The following SLC30A8 variants were observed in gnomAD, a reference collection of about 807,000 sequenced individuals.
SLC30A8 encodes proton-coupled zinc antiporter SLC30A8.
SLC30A8 carries 27 observed loss-of-function variants against 36.9 expected under a neutral mutation model. That is an observed-to-expected ratio of 0.73 (90% CI 0.54 to 1.01). SLC30A8 has a LOEUF of 1.01. Ranked by LOEUF, SLC30A8 falls within the 50% of genes least tolerant of loss-of-function variation. The pLI is 0.00. For missense variants in SLC30A8, 439 were observed against 452.0 expected, an observed-to-expected ratio of 0.97 and a Z score of 0.26; for synonymous variants, 164 against 172.4, an observed-to-expected ratio of 0.95 and a Z score of 0.38.
chr8:117,167,905 T>C (rs1047721175), intron 6 of SLC30A8, among the ~76,000 whole-genome samples: 1 of 152,116 alleles, frequency 6.6e-6, no homozygotes, highest in Non-Finnish European at 1.5e-5. Context: ...AGAGGTTTAA[T>C]GGACTCACCG....
chr8:117,054,843 A>G lies in SLC30A8; in HGVS notation c.-226+15585A>G, dbSNP rs541982741. On this transcript the variant is annotated intron_variant, in intron 2 of 10. Coordinates refer to the SLC30A8 transcript ENST00000427715. Reference sequence around the variant, plus strand: ...GCTACCAAAGTCTCAGGTGGCTTCCACAGAACATTTTATTCAGAGCCCTAA... The same window carrying G: ...GCTACCAAAGTCTCAGGTGGCTTCCGCAGAACATTTTATTCAGAGCCCTAA... 7.2e-5 allele frequency among the ~76,000 whole-genome samples: 11 copies of G among 152,322 alleles called. No individual in the cohort carries two copies. In the East Asian group the frequency reaches 1.9e-3, roughly 27 times the overall value.
chr8:117,091,704 C>G (rs1285061259), intron 2 of SLC30A8, among the ~76,000 whole-genome samples: 2 of 152,060 alleles, frequency 1.3e-5, no homozygotes, highest in Admixed American at 1.3e-4. Flanking sequence ...ATGTATTTCC[C>G]TCATTGTCTT....
At chr8:116,997,415 T>G (rs937167096) in intron 1 of SLC30A8, among the ~76,000 whole-genome samples, 2 of 152,188 alleles carry the variant, frequency 1.3e-5, no homozygotes, top group Admixed American at 6.5e-5. Context: ...TTTTGTTAGA[T>G]GTATAGAATA....
chr8:117,135,359 AT>A lies in SLC30A8; in HGVS notation c.33del (p.Asn11LysfsTer12). 6.2e-7 allele frequency: 1 copy of A among 1,600,996 alleles called. No homozygotes were observed. The highest frequency in any genetic ancestry group is 8.5e-7 in the Non-Finnish European group (1 of 1,172,130). On this transcript the variant is annotated frameshift_variant, in exon 1 of 8. Transcript: ENST00000456015. LOFTEE classifies it high-confidence loss of function. Reference protein sequence around the residue: MEFLERTYLVNDKAAKMYAFT... With the variant: MEFLERTYLVXDKAAKMYAFT... ...TTTCTTGAAAGAACGTATCTTGTGA[AT>A]GATAAAGCTGCCAAGATGTATGCTT...
chr8:116,961,433 C>CAAAT (rs1474406844), intron 1 of SLC30A8, among the ~76,000 whole-genome samples: 1 of 150,568 alleles, frequency 6.6e-6, no homozygotes, highest in Non-Finnish European at 1.5e-5. Context: ...CGTCTCAAAA[C>CAAAT]AAATAAATAA....
At chr8:117,157,203 CT>C (rs908425993) in intron 3 of SLC30A8, among the ~76,000 whole-genome samples, 19 of 152,292 alleles carry the variant, frequency 1.2e-4, no homozygotes, top group African/African-American at 4.3e-4. Flanking sequence ...GCAAATAAAA[CT>C]CATTTTCTTC....
intron 2 of SLC30A8, among the ~76,000 whole-genome samples, chr8:117,040,818 T>C (rs1217452424): frequency 1.3e-5 from 2 of 152,192 alleles, no homozygotes; most frequent in African/African-American, 2.4e-5. Context: ...CATAGCATCA[T>C]CTAGAAGCTT....
At chr8:117,078,933 C>A (rs532078107) in intron 2 of SLC30A8, among the ~76,000 whole-genome samples, 2 of 152,252 alleles carry the variant, frequency 1.3e-5, no homozygotes, top group South Asian at 4.1e-4. Context: ...AGTGACCCAC[C>A]TGCCTTAGCC....
intron 1 of SLC30A8, among the ~76,000 whole-genome samples, chr8:116,998,989 C>T (rs535051214): frequency 2.0e-4 from 30 of 152,182 alleles, no homozygotes; most frequent in Non-Finnish European, 2.9e-4. Flanking sequence ...ATGGGCCACG[C>T]GTGGTGGCAC....
intron 2 of SLC30A8, among the ~76,000 whole-genome samples, chr8:117,118,021 C>G: frequency 6.6e-6 from 1 of 151,710 alleles, no homozygotes; most frequent in Non-Finnish European, 1.5e-5. Context: ...ACTGTCTTTT[C>G]CTTATGAACA....
chr8:117,063,239 G>GT (rs1215755726), intron 2 of SLC30A8, among the ~76,000 whole-genome samples: 1 of 152,038 alleles, frequency 6.6e-6, no homozygotes, highest in Non-Finnish European at 1.5e-5. Context: ...AGTCTCTCTT[G>GT]TTTTTTTCTT....
At chr8:117,095,841 C>T (rs1197723229) in intron 2 of SLC30A8, among the ~76,000 whole-genome samples, 6 of 152,152 alleles carry the variant, frequency 3.9e-5, no homozygotes, top group Non-Finnish European at 8.8e-5. Flanking sequence ...TTTAACTGAT[C>T]ATAAACTTAT....
chr8:116,957,479 C>T (rs1242609773), intron 1 of SLC30A8, among the ~76,000 whole-genome samples: 3 of 152,068 alleles, frequency 2.0e-5, no homozygotes, highest in African/African-American at 7.2e-5. Flanking sequence ...CCATGTTGGC[C>T]AGGCTGGTCT....
At position 117,157,712 on chromosome 8, in the gene SLC30A8, C is replaced by A; in HGVS notation, c.440C>A (p.Ser147Tyr). Residue 147 changes from serine to tyrosine, a missense_variant, in exon 4 of 8, where the codon TCC becomes TAC. By Grantham distance (144) the Ser-to-Tyr change is moderately radical. Transcript: ENST00000456015. ...HRAEILGALL[S>Y]ILCIWVVTGV... ...CTAGAGATCCTTGGTGCCCTGCTCT[C>A]CATCCTGTGCATCTGGGTGGTGACT... The A allele has an allele frequency of 6.2e-7, 1 of 1,614,060 alleles. No individual in the cohort carries two copies. Among genetic ancestry groups the A allele is most frequent in the Non-Finnish European group, 8.5e-7 (1 of 1,179,970 alleles).
intron 2 of SLC30A8, among the ~76,000 whole-genome samples, chr8:117,107,833 A>T (rs1820058068): frequency 6.6e-6 from 1 of 152,190 alleles, no homozygotes; most frequent in Non-Finnish European, 1.5e-5. Flanking sequence ...CAGTAATCTG[A>T]GGTTGGGTAA....
intron 1 of SLC30A8, among the ~76,000 whole-genome samples, chr8:117,139,157 C>A (rs185550023): frequency 6.6e-6 from 1 of 152,146 alleles, no homozygotes; most frequent in Admixed American, 6.6e-5. Context: ...CAAATATTAC[C>A]CCTATAAAGA....
At chr8:117,057,735 A>T (rs139539309) in intron 2 of SLC30A8, among the ~76,000 whole-genome samples, 1,657 of 152,244 alleles carry the variant, frequency 0.011, 93 homozygotes, top group Admixed American at 0.098. Flanking sequence ...TCTATTTTAT[A>T]TATAGGCATA....
At chr8:117,090,334 T>C (rs1437528135) in intron 2 of SLC30A8, among the ~76,000 whole-genome samples, 1 of 151,710 alleles carries the variant, frequency 6.6e-6, no homozygotes, top group East Asian at 1.9e-4. Flanking sequence ...ATTTACTCAT[T>C]CATTTGTGCA....
intron 2 of SLC30A8, among the ~76,000 whole-genome samples, chr8:117,116,115 G>T (rs1029259501): frequency 2.0e-5 from 3 of 151,950 alleles, no homozygotes; most frequent in African/African-American, 7.3e-5. Context: ...ATGACAATAG[G>T]ACCAGTGTGG....
Sources: allele counts gnomAD v4.1 joint callset (sites outside exome capture counted in the v4.1 genomes callset), GRCh38; gene constraint gnomAD v4.1.1; transcripts MANE v1.5; gene names NCBI Gene and HGNC (gene_info 2026-07-23, HGNC 2026-07-21).